SHROOM3: variants seen among roughly 807,000 people sequenced by gnomAD.
SHROOM3 encodes protein Shroom3.
A neutral mutation model predicts 138.6 loss-of-function variants in SHROOM3; 47 were observed. The ratio of observed to expected loss-of-function variants is 0.34; its 90% CI spans 0.27 to 0.43. The LOEUF is 0.43. Among genes scored for constraint, SHROOM3 ranks in the 20% least tolerant of loss-of-function variants. The pLI is 1.00. For synonymous variants in SHROOM3, 1,062 were observed against 1,063.3 expected (o/e 1.00, Z 0.02); for missense variants, 2,491 against 2,596.5 (o/e 0.96, Z 0.88).
chr4:76,665,457 G>A (rs991043976), intron 2 of SHROOM3, among the ~76,000 whole-genome samples: 1 of 152,224 alleles, frequency 6.6e-6, no homozygotes, highest in Non-Finnish European at 1.5e-5. Context: ...AGAAGAACCA[G>A]TCATCTGGAA....
At chr4:76,568,079 A>G (rs981040075) in intron 2 of SHROOM3, among the ~76,000 whole-genome samples, 7 of 152,086 alleles carry the variant, frequency 4.6e-5, no homozygotes, top group African/African-American at 1.7e-4. Context: ...TCTGTCACAC[A>G]TACTAGAATA....
rs76123685 is a variant in SHROOM3, at chr4:76,463,939, G to A, written c.168+27719G>A. Among the ~76,000 whole-genome samples the A allele has an allele frequency of 9.6e-4, 146 of 152,378 alleles. 1 individual carries two copies. In the East Asian group the frequency reaches 0.026, roughly 27 times the overall value. ...CCAGGTAGACGTCTGCTGCAGGGGC[G>A]GAGCCCTTATGGAGAATCTCTACTA... On this transcript the variant is annotated intron_variant, in intron 1 of 10. Transcript: ENST00000296043.
intron 5 of SHROOM3, among the ~76,000 whole-genome samples, chr4:76,748,619 C>T (rs1183793208): frequency 1.3e-5 from 2 of 151,780 alleles, no homozygotes; most frequent in African/African-American, 4.8e-5. Context: ...TGTCCTTTCC[C>T]GTCATCTCTC....
chr4:76,761,835 A>G (rs1395285768), intron 9 of SHROOM3, among the ~76,000 whole-genome samples: 1 of 152,126 alleles, frequency 6.6e-6, no homozygotes. Flanking sequence ...GGTGGAAGAG[A>G]TCTTAGGGAG....
intron 3 of SHROOM3, among the ~76,000 whole-genome samples, chr4:76,714,290 C>T (rs549730336): frequency 6.6e-6 from 1 of 152,298 alleles, no homozygotes; most frequent in East Asian, 1.9e-4. Context: ...CCTTAGCCTC[C>T]TCTGATCTGT....
Position 76,706,891 on chromosome 4 carries a change from C to T in SHROOM3, c.324-3265C>T, listed in dbSNP as rs138367765. ...CACACAAGGGGCCACCTCACCCCGACTTCCACAGTTCCTCTGGGTAGCCAG... is the reference window on the plus strand; with the variant it reads ...CACACAAGGGGCCACCTCACCCCGATTTCCACAGTTCCTCTGGGTAGCCAG... On this transcript the variant is annotated intron_variant, in intron 2 of 10. Transcript: ENST00000296043. 3.9e-3 allele frequency among the ~76,000 whole-genome samples: 593 copies of T among 152,324 alleles called. 1 individual carries two copies. The highest frequency in any genetic ancestry group is 0.014 in the Middle Eastern group (4 of 294).
In SHROOM3 at chr4:76,741,195, C is replaced by G; in HGVS notation, c.3022C>G (p.Arg1008Gly). 6.3e-7 allele frequency: 1 copy of G among 1,598,880 alleles called. No individual in the cohort carries two copies. Among genetic ancestry groups the G allele is most frequent in the African/African-American group, 1.3e-5 (1 of 74,788 alleles). The change falls in exon 5 of 11, where the codon CGC becomes GGC. Residue 1008 changes from arginine (R) to glycine (G), a missense_variant. By Grantham distance (125) the Arg-to-Gly change is moderately radical. Transcript: ENST00000296043. The surrounding 1 kb of genome is among the most constrained non-coding windows in gnomAD (Gnocchi z 6.2). ...GCCCCCTGCCGCCCGGAGAGGTGCT[C>G]GCCGGCGCCTGACTCCCGAGCAGAA... The part of the protein sequence containing the change: ...PVPPAARRGA[R>G]RRLTPEQKKR...
intron 2 of SHROOM3, among the ~76,000 whole-genome samples, chr4:76,557,933 A>G (rs1279927188): frequency 6.6e-6 from 1 of 152,192 alleles, no homozygotes; most frequent in African/African-American, 2.4e-5. Context: ...TGATGTTTCA[A>G]ACAGATGGGT....
intron 2 of SHROOM3, among the ~76,000 whole-genome samples, chr4:76,680,142 CT>C (rs11368349): frequency 0.44 from 60,455 of 138,454 alleles, 13,219 homozygotes; most frequent in African/African-American, 0.61. Context: ...TGACCTATAC[CT>C]TTTTTTTTTT....
chr4:76,462,250 T>C (rs1441162357), intron 1 of SHROOM3, among the ~76,000 whole-genome samples: 1 of 151,956 alleles, frequency 6.6e-6, no homozygotes, highest in African/African-American at 2.4e-5. Flanking sequence ...TGCACACCTG[T>C]AGTCCCAGCT....
rs1282040453 is a variant in SHROOM3, at chr4:76,741,675, C to T, written c.3502C>T (p.Arg1168Ter). Residue 1168 changes from arginine (R) to a stop codon, truncating the protein, a stop_gained, in exon 5 of 11, where the codon CGA becomes TGA. Transcript: ENST00000296043. LOFTEE classifies it high-confidence loss of function. This position sits in a 1 kb window ranked among gnomAD's most constrained non-coding sequence, Gnocchi z 6.2. The stretch of plus-strand genomic sequence containing the variant: ...AGTTGCAGAAACCCAGCAGGCTCCC[C>T]GAGATCGCAGCAGCTCCTTCGCCGG... Reference protein sequence around the residue: ...ATVAETQQAPRDRSSSFAGGR... With the variant: ...ATVAETQQAP 3 of 1,550,908 alleles carry T rather than the reference C, an allele frequency of 1.9e-6. No individual in the cohort carries two copies. Among genetic ancestry groups the T allele is most frequent in the East Asian group, 2.4e-5 (1 of 41,564 alleles).
rs1461172307 is a variant in SHROOM3, at chr4:76,780,140, T to A, written c.*963T>A. 1 of 152,216 alleles carries A rather than the reference T, an allele frequency of 6.6e-6. No individual in the cohort carries two copies. Among genetic ancestry groups the A allele is most frequent in the African/African-American group, 2.4e-5 (1 of 41,464 alleles). 9.4% of individuals were successfully genotyped at this position (152,216 alleles called of 1,614,324 possible). ...ATACGGCCTGTTTATTGAGGCTGTT[T>A]TAATGATGCTTTAAAAAAAAAAAAT... On this transcript the variant is annotated 3_prime_UTR_variant, in exon 11 of 11. Transcript: ENST00000296043.
chr4:76,558,755 A>G (rs1405852552), intron 2 of SHROOM3, among the ~76,000 whole-genome samples: 1 of 152,260 alleles, frequency 6.6e-6, no homozygotes, highest in Non-Finnish European at 1.5e-5. Context: ...CTTTATCCCT[A>G]CAAGAAAACT....
At position 76,754,911 on chromosome 4, in the gene SHROOM3, T is replaced by TG; in HGVS notation, c.4432dup (p.Ala1478GlyfsTer14). 1.2e-6 allele frequency: 2 copies of TG among 1,614,138 alleles called. No homozygotes were observed. Among genetic ancestry groups the TG allele is most frequent in the Non-Finnish European group, 1.7e-6 (2 of 1,180,010 alleles). Reference sequence around the variant, plus strand: ...GCACTTCTGACCCAGACACACCTCTTGGGGCCCCGAGCACTCCAGGGAGGA... The same window carrying TG: ...GCACTTCTGACCCAGACACACCTCTTGGGGGCCCCGAGCACTCCAGGGAGGA... On this transcript the variant is annotated frameshift_variant, in exon 7 of 11. Transcript: ENST00000296043. LOFTEE classifies it high-confidence loss of function.
intron 5 of SHROOM3, among the ~76,000 whole-genome samples, chr4:76,747,928 A>AGATATGT (rs1721495607): frequency 2.0e-5 from 3 of 152,218 alleles, no homozygotes; most frequent in Admixed American, 2.0e-4. Flanking sequence ...ACTGTGGGCA[A>AGATATGT]GATATGTCAC....
rs1469754940 is a variant in SHROOM3 at position 76,710,218 on chromosome 4, A to G, written c.386A>G (p.His129Arg). The change falls in exon 3 of 11, where the codon CAC becomes CGC. Residue 129 changes from histidine to arginine, a missense_variant. His to Arg is a conservative substitution (Grantham distance 29). This residue lies in a region of SHROOM3 where 284 missense variants were observed against 322.8 expected (regional missense o/e 0.88). Transcript: ENST00000296043. ...GCCTCTAACTTCGTCAGCCCAGAACACCTCACCTCTGGCCCCCAGCACAGG... is the reference window on the plus strand; with the variant it reads ...GCCTCTAACTTCGTCAGCCCAGAACGCCTCACCTCTGGCCCCCAGCACAGG... Reference protein sequence around the residue: ...TGASNFVSPEHLTSGPQHRKA... With the variant: ...TGASNFVSPERLTSGPQHRKA... 6.2e-7 allele frequency: 1 copy of G among 1,614,042 alleles called. No individual in the cohort carries two copies. Among genetic ancestry groups the G allele is most frequent in the Non-Finnish European group, 8.5e-7 (1 of 1,179,988 alleles).
At chr4:76,581,022 A>T (rs556168215) in intron 2 of SHROOM3, among the ~76,000 whole-genome samples, 5 of 152,246 alleles carry the variant, frequency 3.3e-5, no homozygotes, top group South Asian at 2.1e-4. Flanking sequence ...ATTGTCCCAG[A>T]GATTGAAATG....
intron 2 of SHROOM3, among the ~76,000 whole-genome samples, chr4:76,661,870 G>A (rs1736195322): frequency 6.6e-6 from 1 of 152,094 alleles, no homozygotes; most frequent in South Asian, 2.1e-4. Flanking sequence ...GTAGACATGT[G>A]TTTTCATTTT....
intron 2 of SHROOM3, among the ~76,000 whole-genome samples, chr4:76,650,560 T>G (rs1381539610): frequency 7.1e-6 from 1 of 141,270 alleles, no homozygotes; most frequent in Non-Finnish European, 1.5e-5. Context: ...TTTATTTATT[T>G]ATTTGATGGA....
Sources: allele counts gnomAD v4.1 joint callset (sites outside exome capture counted in the v4.1 genomes callset), GRCh38; gene constraint gnomAD v4.1.1; regional missense constraint gnomAD v4.1.1; non-coding constraint Gnocchi (gnomAD v3.1); transcripts MANE v1.5; gene names NCBI Gene and HGNC (gene_info 2026-07-23, HGNC 2026-07-21).